Variants in SYNJ1 observed in about 807,000 individuals in gnomAD.
SYNJ1 encodes the protein synaptojanin 1.
A neutral mutation model predicts 168.2 loss-of-function variants in SYNJ1; 78 were observed. That is an observed-to-expected ratio of 0.46 (90% CI 0.39 to 0.56). The LOEUF (loss-of-function observed/expected upper bound fraction) is 0.56. Ranked by LOEUF, SYNJ1 falls within the 20% of genes least tolerant of loss-of-function variation. The probability of loss-of-function intolerance (pLI) is 0.00; values close to 1 mark genes in which losing one functional copy is unlikely to be tolerated. For synonymous variants in SYNJ1, 539 were observed against 548.6 expected (o/e 0.98, Z 0.24); for missense variants, 1,303 against 1,597.6 (o/e 0.82, Z 3.14).
chr21:32,715,887 T>C (rs2043007243), intron 2 of SYNJ1, among the ~76,000 whole-genome samples: 1 of 152,132 alleles, frequency 6.6e-6, no homozygotes, highest in Admixed American at 6.5e-5. Flanking sequence ...GTAATGAGTA[T>C]CCAACCAAGA....
Position 32,679,771 on chromosome 21 carries a change from T to C in SYNJ1, c.1354-970A>G, listed in dbSNP as rs146293396. 1.2e-4 allele frequency among the ~76,000 whole-genome samples: 18 copies of C among 152,274 alleles called. 1 individual carries two copies. Among genetic ancestry groups the C allele is most frequent in the African/African-American group, 4.3e-4 (18 of 41,590 alleles). ...TTTGGCATTAAGTGTTATTTCTTTCTATATAATAGCATATGCAAATGACAT... is the reference window on the plus strand; with the variant it reads ...TTTGGCATTAAGTGTTATTTCTTTCCATATAATAGCATATGCAAATGACAT... On this transcript the variant is annotated intron_variant, in intron 11 of 32. Coordinates refer to ENST00000674351, the MANE Select transcript of SYNJ1 (RefSeq NM_203446.3).
In SYNJ1 at chr21:32,657,038, G is replaced by A. The variant is rs764605158; in HGVS notation, c.2544C>T (p.His848=). The change falls in exon 20 of 33, where the codon CAC becomes CAT. Residue 848 remains histidine, a synonymous_variant. Coordinates refer to ENST00000674351, the MANE Select transcript of SYNJ1 (RefSeq NM_203446.3). Reference sequence around the variant, plus strand: ...AAGTCTTCAGCTCAGCTCTTCCATAGTGCAGCAAAGTGCCTGGAGTCCACG... The same window carrying A: ...AAGTCTTCAGCTCAGCTCTTCCATAATGCAGCAAAGTGCCTGGAGTCCACG... ...LYTWTPGTLL[H]YGRAELKTSD... 4 of 1,613,996 alleles carry A rather than the reference G, an allele frequency of 2.5e-6. No individual in the cohort carries two copies. The South Asian group carries it at 4.4e-5, about 18-fold the overall frequency.
At chr21:32,705,112 G>C (rs1439354581) in intron 2 of SYNJ1, among the ~76,000 whole-genome samples, 1 of 149,486 alleles carries the variant, frequency 6.7e-6, no homozygotes, top group Non-Finnish European at 1.5e-5. Flanking sequence ...TTGCACCACT[G>C]CACTCCAGCC....
At chr21:32,722,870 T>C (rs1287684093) in intron 2 of SYNJ1, among the ~76,000 whole-genome samples, 2 of 152,204 alleles carry the variant, frequency 1.3e-5, no homozygotes, top group African/African-American at 4.8e-5. Context: ...AGAAAACTAC[T>C]TAGTAGCCCC....
intron 4 of SYNJ1, among the ~76,000 whole-genome samples, chr21:32,696,649 C>T (rs977274384): frequency 1.3e-5 from 2 of 152,190 alleles, no homozygotes; most frequent in African/African-American, 4.8e-5. Context: ...TCCGTACTCT[C>T]TCTCTCTTCC....
intron 9 of SYNJ1, among the ~76,000 whole-genome samples, chr21:32,684,774 T>C (rs1380017527): frequency 6.6e-6 from 1 of 152,190 alleles, no homozygotes; most frequent in Non-Finnish European, 1.5e-5. Context: ...CAGCATGAAG[T>C]ATGGAGCCAG....
intron 1 of SYNJ1, chr21:32,727,697 G>A: frequency 1.3e-6 from 1 of 746,932 alleles, no homozygotes; most frequent in Non-Finnish European, 2.0e-6. Flanking sequence ...CGCCCAGGCG[G>A]ATTCGGTTCG....
Position 32,639,376 on chromosome 21 carries a change from C to G in SYNJ1, c.3698-251G>C, listed in dbSNP as rs147026277. 2.5e-3 allele frequency among the ~76,000 whole-genome samples: 385 copies of G among 152,168 alleles called. 1 individual carries two copies. Among genetic ancestry groups the G allele is most frequent in the Admixed American group, 0.011 (161 of 15,282 alleles). On this transcript the variant is annotated intron_variant, in intron 30 of 32. Transcript: ENST00000674351. The stretch of plus-strand genomic sequence containing the variant: ...TATTTCTAATATAGTATCTACCTTT[C>G]TTTTCTCTCAATTTTTAAAAATTTT...
chr21:32,705,598 A>G (rs940415035), intron 2 of SYNJ1, among the ~76,000 whole-genome samples: 2 of 152,212 alleles, frequency 1.3e-5, no homozygotes, highest in African/African-American at 4.8e-5. Context: ...ATGAATTGAA[A>G]GTCTCATGAG....
chr21:32,676,514 T>A (rs1296236807), intron 12 of SYNJ1, among the ~76,000 whole-genome samples, 159 bp from the exon 13 acceptor site: 1 of 152,188 alleles, frequency 6.6e-6, no homozygotes, highest in African/African-American at 2.4e-5. Context: ...GTGTTACAAA[T>A]AAACGACAAT....
chr21:32,636,890 CTTTGTCT>C (rs910288066), intron 31 of SYNJ1, among the ~76,000 whole-genome samples: 3 of 152,068 alleles, frequency 2.0e-5, no homozygotes, highest in Admixed American at 1.3e-4. Flanking sequence ...AAACAAATAT[CTTTGTCT>C]TTTTGATGAA....
chr21:32,669,155 A>G (rs1252372981), intron 15 of SYNJ1, among the ~76,000 whole-genome samples: 1 of 152,230 alleles, frequency 6.6e-6, no homozygotes, highest in Non-Finnish European at 1.5e-5. Context: ...ATCTGTAACA[A>G]AAAAAGAAAA....
At chr21:32,664,445 C>A (rs1302436639) in intron 18 of SYNJ1, among the ~76,000 whole-genome samples, 1 of 152,174 alleles carries the variant, frequency 6.6e-6, no homozygotes, top group African/African-American at 2.4e-5. Flanking sequence ...AAAATCAACC[C>A]TTGACCTAAC....
At chr21:32,645,916 T>A in intron 24 of SYNJ1, 127 bp from the exon 25 acceptor site, 1 of 1,347,060 alleles carries the variant, frequency 7.4e-7, no homozygotes. Context: ...GGGCATGTAT[T>A]TTCAGTATGA....
chr21:32,703,642 C>G (rs2042492083), intron 2 of SYNJ1, among the ~76,000 whole-genome samples: 1 of 152,064 alleles, frequency 6.6e-6, no homozygotes, highest in Non-Finnish European at 1.5e-5. Flanking sequence ...ATAGAAAGTA[C>G]TAGATATATC....
intron 2 of SYNJ1, among the ~76,000 whole-genome samples, chr21:32,725,523 C>A (rs1415653652): frequency 6.6e-6 from 1 of 152,114 alleles, no homozygotes. Flanking sequence ...ATATATATTT[C>A]TTATATACTG....
At chr21:32,643,953 C>T (rs2039958196) in intron 26 of SYNJ1, among the ~76,000 whole-genome samples, 1 of 152,110 alleles carries the variant, frequency 6.6e-6, no homozygotes, top group African/African-American at 2.4e-5. Flanking sequence ...ATGTTGCAAA[C>T]ACTACTTACA....
At chr21:32,723,530 C>T (rs1038502188) in intron 2 of SYNJ1, among the ~76,000 whole-genome samples, 8 of 152,130 alleles carry the variant, frequency 5.3e-5, no homozygotes, top group East Asian at 3.9e-4. Context: ...AAGAAGTATG[C>T]GTCTTGGCTG....
chr21:32,657,168 C>T, intron 19 of SYNJ1, 48 bp from the exon 20 acceptor site: 5 of 1,310,446 alleles, frequency 3.8e-6, no homozygotes, highest in African/African-American at 1.5e-5. Flanking sequence ...ATAAGCAGGA[C>T]AGATCGTGTA....
Sources: gnomAD v4.1 joint callset for allele counts (sites outside exome capture counted in the v4.1 genomes callset) on GRCh38, gnomAD v4.1.1 for gene constraint, MANE v1.5 for transcripts, NCBI Gene and HGNC (gene_info 2026-07-23, HGNC 2026-07-21) for gene names.